GPR176: variants seen among roughly 807,000 people sequenced by gnomAD.
The protein encoded by GPR176 is G-protein coupled receptor 176.
In GPR176, 26 loss-of-function variants were observed where a neutral mutation model predicts 35.4. That is an observed-to-expected ratio of 0.74 (90% CI 0.54 to 1.02). The LOEUF is 1.02. Among genes scored for constraint, GPR176 ranks in the 50% least tolerant of loss-of-function variants. The pLI is 0.00. For synonymous variants in GPR176, 278 were observed against 271.3 expected (o/e 1.02, Z -0.24); for missense variants, 597 against 665.3 (o/e 0.90, Z 1.13).
At chr15:39,859,031 GCCA>G (rs981042773) in intron 1 of GPR176, among the ~76,000 whole-genome samples, 68 of 152,082 alleles carry the variant, frequency 4.5e-4, no homozygotes, top group African/African-American at 1.6e-3. Context: ...ACAGGTGTTA[GCCA>G]CCACACCTGG....
At chr15:39,829,086 G>T in intron 1 of GPR176, 1 of 1,134,068 alleles carries the variant, frequency 8.8e-7, no homozygotes, top group Non-Finnish European at 1.3e-6. Context: ...ATTACCCAAA[G>T]TTCTAGAAAT....
intron 1 of GPR176, among the ~76,000 whole-genome samples, chr15:39,811,415 CT>C (rs954418447): frequency 6.6e-6 from 1 of 152,026 alleles, no homozygotes; most frequent in African/African-American, 2.4e-5. Flanking sequence ...CCCATCTGTT[CT>C]TTTTTCCTTT....
At chr15:39,871,687 C>A (rs1252242322) in intron 1 of GPR176, among the ~76,000 whole-genome samples, 1 of 152,154 alleles carries the variant, frequency 6.6e-6, no homozygotes, top group Admixed American at 6.6e-5. Flanking sequence ...GCTTCAAAAC[C>A]CTTTCCCAAG....
chr15:39,858,684 G>A (rs1432139009), intron 1 of GPR176, among the ~76,000 whole-genome samples: 1 of 152,182 alleles, frequency 6.6e-6, no homozygotes, highest in African/African-American at 2.4e-5. Context: ...TTGTACTCCA[G>A]CTCAGGTGAC....
chr15:39,890,812 G>C (rs958181713), intron 1 of GPR176, among the ~76,000 whole-genome samples: 1 of 152,178 alleles, frequency 6.6e-6, no homozygotes, highest in Non-Finnish European at 1.5e-5. Flanking sequence ...TAAGAAACCT[G>C]AGCTGGAGCT....
At chr15:39,852,654 G>A (rs559605121) in intron 1 of GPR176, among the ~76,000 whole-genome samples, 1 of 152,236 alleles carries the variant, frequency 6.6e-6, no homozygotes, top group South Asian at 2.1e-4. Flanking sequence ...TATGCCACAA[G>A]TATATACTAC....
intron 1 of GPR176, among the ~76,000 whole-genome samples, chr15:39,888,742 T>C (rs1449303323): frequency 6.6e-6 from 1 of 152,228 alleles, no homozygotes; most frequent in Non-Finnish European, 1.5e-5. Flanking sequence ...ATCAATCCCT[T>C]TCCTACCCAT....
At position 39,801,843 on chromosome 15, in the gene GPR176, G is replaced by C; in HGVS notation, c.837C>G (p.Ser279Arg). The C allele has an allele frequency of 2.5e-6, 4 of 1,613,952 alleles. No individual in the cohort carries two copies. Among genetic ancestry groups the C allele is most frequent in the Non-Finnish European group, 3.4e-6 (4 of 1,179,880 alleles). Reference protein sequence around the residue: ...LSMVMVFILCSVPYATLVVYQ... With the variant: ...LSMVMVFILCRVPYATLVVYQ... ...AGACGACCAGGGTGGCATAGGGCACGCTACACAAGATGAAGACCATCACCA... is the reference window on the plus strand; with the variant it reads ...AGACGACCAGGGTGGCATAGGGCACCCTACACAAGATGAAGACCATCACCA... The change falls in exon 3 of 3, where the codon AGC (serine) becomes AGG (arginine). Residue 279 changes from serine (S) to arginine (R), a missense_variant. By Grantham distance (110) the Ser-to-Arg change is moderately radical. This residue lies in a region of GPR176 where 220 missense variants were observed against 297.6 expected (regional missense o/e 0.74). Transcript: ENST00000561100.
intron 1 of GPR176, among the ~76,000 whole-genome samples, chr15:39,877,467 T>C (rs1280242337): frequency 6.6e-6 from 1 of 152,094 alleles, no homozygotes; most frequent in East Asian, 1.9e-4. Flanking sequence ...TGTATTAAAT[T>C]AGCATTCACC....
At chr15:39,819,869 C>T (rs1176802835) in intron 1 of GPR176, among the ~76,000 whole-genome samples, 1 of 152,162 alleles carries the variant, frequency 6.6e-6, no homozygotes, top group Non-Finnish European at 1.5e-5. Context: ...CTGATGTGAA[C>T]TGGAGAAATA....
At position 39,806,989 on chromosome 15, in the gene GPR176, T is replaced by C; in HGVS notation, c.425+17A>G. On this transcript the variant is annotated intron_variant, in intron 2 of 2. Transcript: ENST00000561100. Reference sequence around the variant, plus strand: ...CAACTTAAAAAAAAAAGTTAGCTCCTGGCTACCTGATCTTACCTGTCCAAA... The same window carrying C: ...CAACTTAAAAAAAAAAGTTAGCTCCCGGCTACCTGATCTTACCTGTCCAAA... 1 of 1,568,170 alleles carries C rather than the reference T, an allele frequency of 6.4e-7. No individual in the cohort carries two copies. The highest frequency in any genetic ancestry group is 8.6e-7 in the Non-Finnish European group (1 of 1,162,924).
intron 1 of GPR176, among the ~76,000 whole-genome samples, chr15:39,909,189 G>A (rs558790221): frequency 9.1e-4 from 139 of 152,320 alleles, no homozygotes; most frequent in Middle Eastern, 3.4e-3. Context: ...CGTGATTAAT[G>A]TGGGGTAGGG....
chr15:39,861,737 G>C (rs2031601293), intron 1 of GPR176, among the ~76,000 whole-genome samples: 1 of 152,166 alleles, frequency 6.6e-6, no homozygotes. Context: ...ACATCAGAGA[G>C]ACATCAGCTG....
In GPR176 at chr15:39,826,883, C is replaced by T. The variant is rs574892963; in HGVS notation, c.173-19625G>A. On this transcript the variant is annotated intron_variant, in intron 1 of 2. Coordinates refer to ENST00000561100, the MANE Select transcript of GPR176 (RefSeq NM_007223.3). ...GGGGAAAAATGCAAAAAACTTTCCACCACTGCTTGGCAGAATAACAATAAT... is the reference window on the plus strand; with the variant it reads ...GGGGAAAAATGCAAAAAACTTTCCATCACTGCTTGGCAGAATAACAATAAT... Among the ~76,000 whole-genome samples, 76 of 152,182 alleles carry T rather than the reference C, an allele frequency of 5.0e-4. No homozygotes were observed. The South Asian group carries it at 0.015, about 29-fold the overall frequency.
At chr15:39,910,586 T>A (rs1391790926) in intron 1 of GPR176, among the ~76,000 whole-genome samples, 1 of 151,574 alleles carries the variant, frequency 6.6e-6, no homozygotes, top group African/African-American at 2.4e-5. Flanking sequence ...ACCAACTTCA[T>A]GATCACAGGC....
chr15:39,919,166 G>T (rs2033805196), intron 1 of GPR176, among the ~76,000 whole-genome samples: 1 of 152,150 alleles, frequency 6.6e-6, no homozygotes. Context: ...TTAATTCGTT[G>T]ATCTTTTCTT....
chr15:39,854,054 T>C lies in GPR176; in HGVS notation c.173-46796A>G, dbSNP rs150780371. The stretch of plus-strand genomic sequence containing the variant: ...AATGAGTCTACTATACATCCTTCCA[T>C]ATTTGCCACCAGGAAACTATTGAGG... On this transcript the variant is annotated intron_variant, in intron 1 of 2. Transcript: ENST00000561100. Among the ~76,000 whole-genome samples, 234 of 152,196 alleles carry C rather than the reference T, an allele frequency of 1.5e-3. 2 individuals are homozygous for C. The highest frequency in any genetic ancestry group is 5.4e-3 in the African/African-American group (223 of 41,516).
At chr15:39,901,242 C>T (rs974055034) in intron 1 of GPR176, among the ~76,000 whole-genome samples, 1 of 152,030 alleles carries the variant, frequency 6.6e-6, no homozygotes, top group Non-Finnish European at 1.5e-5. Flanking sequence ...TCCCCTCCTG[C>T]CTTTTTGAAT....
chr15:39,890,094 T>C (rs1025873046), intron 1 of GPR176, among the ~76,000 whole-genome samples: 8 of 152,154 alleles, frequency 5.3e-5, no homozygotes, highest in African/African-American at 1.9e-4. Flanking sequence ...GATATGAAAA[T>C]ATCACCACGC....
Sources: allele counts gnomAD v4.1 joint callset (sites outside exome capture counted in the v4.1 genomes callset), GRCh38; gene constraint gnomAD v4.1.1; regional missense constraint gnomAD v4.1.1; transcripts MANE v1.5; gene names NCBI Gene and HGNC (gene_info 2026-07-23, HGNC 2026-07-21).